NCKAP1: variants seen among roughly 807,000 people sequenced by gnomAD.
NCKAP1 encodes the protein NCK associated protein 1.
Under a neutral mutation model 151.2 loss-of-function variants are expected in NCKAP1, and 21 were observed. The ratio of observed to expected loss-of-function variants is 0.14; its 90% CI spans 0.10 to 0.20. The LOEUF (loss-of-function observed/expected upper bound fraction) is 0.20. Ranked by LOEUF, NCKAP1 falls within the 10% of genes least tolerant of loss-of-function variation. The pLI is 1.00. For missense variants in NCKAP1, 933 were observed against 1,352.1 expected (o/e 0.69, Z 4.86); for synonymous variants, 484 against 451.8 (o/e 1.07, Z -0.90).
rs1380983144 is a variant in NCKAP1, at chr2:183,006,729, T to C, written c.220-3404A>G. Reference sequence around the variant, plus strand: ...TATTAATATCTAGAACCAAGTTTTCTTAATTCAATCACATTGTTTTATAGG... The same window carrying C: ...TATTAATATCTAGAACCAAGTTTTCCTAATTCAATCACATTGTTTTATAGG... On this transcript the variant is annotated intron_variant, in intron 2 of 30. Transcript: ENST00000361354. Among the ~76,000 whole-genome samples the C allele has an allele frequency of 1.7e-4, 26 of 152,190 alleles. 1 individual carries two copies. The highest frequency in any genetic ancestry group is 1.7e-3 in the Admixed American group (26 of 15,280).
intron 1 of NCKAP1, among the ~76,000 whole-genome samples, chr2:183,029,345 A>T (rs925282496): frequency 6.6e-6 from 1 of 151,920 alleles, no homozygotes; most frequent in African/African-American, 2.4e-5. Flanking sequence ...CTGCCACTCT[A>T]CCACAAACCC....
In NCKAP1 at chr2:182,978,858, T is replaced by C; in HGVS notation, c.1399A>G (p.Met467Val). 3.7e-6 allele frequency: 6 copies of C among 1,600,872 alleles called. No homozygotes were observed. The highest frequency in any genetic ancestry group is 5.1e-6 in the Non-Finnish European group (6 of 1,170,186). Reference protein sequence around the residue: ...SIIMSSFVNTMTSLSVKQVED... With the variant: ...SIIMSSFVNTVTSLSVKQVED... ...CCTTGTTTTACACTTAGGGAAGTCA[T>C]AGTGTTAACAAAAGAGGACATGATG... Residue 467 changes from methionine (M) to valine (V), a missense_variant, in exon 14 of 31, where the codon ATG (methionine) becomes GTG (valine). Coordinates refer to ENST00000361354, the MANE Select transcript of NCKAP1 (RefSeq NM_013436.5).
At chr2:183,018,455 T>A (rs954834584) in intron 2 of NCKAP1, among the ~76,000 whole-genome samples, 1 of 152,102 alleles carries the variant, frequency 6.6e-6, no homozygotes, top group Non-Finnish European at 1.5e-5. Context: ...AGGAGTTAAA[T>A]ATGCCTACTG....
intron 2 of NCKAP1, among the ~76,000 whole-genome samples, chr2:183,008,493 T>C (rs1235874100): frequency 6.6e-6 from 1 of 151,854 alleles, no homozygotes; most frequent in African/African-American, 2.4e-5. Flanking sequence ...CCTCATCTTC[T>C]TTCATGCTCC....
At chr2:183,024,014 T>C in intron 1 of NCKAP1, 98 bp from the exon 2 acceptor site, 2 of 963,530 alleles carry the variant, frequency 2.1e-6, no homozygotes, top group Non-Finnish European at 3.2e-6. Context: ...TATTTATTGT[T>C]TTTGGTGAGC....
At chr2:182,928,681 T>A (rs141208941) in intron 28 of NCKAP1, 102 bp downstream of exon 28, 1 of 722,788 alleles carries the variant, frequency 1.4e-6, no homozygotes, top group Non-Finnish European at 2.3e-6. Context: ...GACTACCCCA[T>A]GTTCCACTGC....
At chr2:183,025,319 C>A (rs1698875076) in intron 1 of NCKAP1, among the ~76,000 whole-genome samples, 1 of 151,930 alleles carries the variant, frequency 6.6e-6, no homozygotes, top group African/African-American at 2.4e-5. Flanking sequence ...AAAACAGGAG[C>A]AAAACCATCA....
intron 19 of NCKAP1, 76 bp from the exon 20 acceptor site, chr2:182,956,669 C>G: frequency 4.9e-6 from 7 of 1,418,044 alleles, no homozygotes; most frequent in Non-Finnish European, 6.6e-6. Context: ...ATAAATATAT[C>G]AACCTTATTT....
chr2:182,988,766 A>C lies in NCKAP1; in HGVS notation c.947+264T>G, dbSNP rs535724425. ...AAAATCATATATGACTTGCAAAAGA[A>C]GACATATCTTCCTTCTCCTATATTA... On this transcript the variant is annotated intron_variant, in intron 9 of 30. Transcript: ENST00000361354. Among the ~76,000 whole-genome samples, 7 of 152,346 alleles carry C rather than the reference A, an allele frequency of 4.6e-5. No individual in the cohort carries two copies. In the South Asian group the frequency reaches 1.5e-3, roughly 32 times the overall value.
rs1229778601 is a variant in NCKAP1, at chr2:182,921,073, T to C, written c.*4629A>G. 1 of 152,132 alleles carries C rather than the reference T, an allele frequency of 6.6e-6. No homozygotes were observed. Among genetic ancestry groups the C allele is most frequent in the African/African-American group, 2.4e-5 (1 of 41,432 alleles). The allele number at this position is 152,132 out of a possible 1,614,324, so 9.4% of individuals were successfully genotyped here. A position where few individuals can be genotyped will look rare whatever the true frequency, so the allele number is the denominator to read the frequency against. ...CCAGAGTTGAAGAAAACACTTTTAG[T>C]CAGTTACTAATGGAGAAAAAATAAA... is the stretch of plus-strand genomic sequence containing the variant. On this transcript the variant is annotated 3_prime_UTR_variant, in exon 31 of 31. Coordinates refer to ENST00000361354, the MANE Select transcript of NCKAP1 (RefSeq NM_013436.5).
At position 182,918,726 on chromosome 2, in the gene NCKAP1, T is replaced by C. The variant is rs1696504933; in HGVS notation, c.*6976A>G. On this transcript the variant is annotated 3_prime_UTR_variant, in exon 31 of 31. Transcript: ENST00000361354. ...GGTCTAGGGATAAAAAACTACACAT[T>C]GGGTACAATGCATACTACCTGGGTG... The C allele has an allele frequency of 6.6e-6, 1 of 152,132 alleles. No homozygotes were observed. Among genetic ancestry groups the C allele is most frequent in the African/African-American group, 2.4e-5 (1 of 41,416 alleles). 9.4% of individuals were successfully genotyped at this position (152,132 alleles called of 1,614,324 possible).
intron 25 of NCKAP1, 155 bp downstream of exon 25, chr2:182,935,138 A>T (rs1455172253): frequency 4.9e-5 from 31 of 635,576 alleles, no homozygotes; most frequent in Non-Finnish European, 7.6e-5. Context: ...ATGAGCTTAA[A>T]TAACTAATTT....
chr2:182,997,197 A>T (rs986301955), intron 6 of NCKAP1, among the ~76,000 whole-genome samples: 5 of 152,140 alleles, frequency 3.3e-5, no homozygotes, highest in African/African-American at 1.2e-4. Context: ...CCTTTCAAAA[A>T]ACTAACTTTT....
At chr2:182,976,638 A>G (rs1697830158) in intron 15 of NCKAP1, among the ~76,000 whole-genome samples, 3 of 152,172 alleles carry the variant, frequency 2.0e-5, no homozygotes, top group Admixed American at 6.5e-5. Flanking sequence ...AATCAGGATA[A>G]TCAAGAGAGA....
chr2:182,975,118 T>C (rs1475412306), intron 15 of NCKAP1, among the ~76,000 whole-genome samples: 1 of 152,222 alleles, frequency 6.6e-6, no homozygotes, highest in Non-Finnish European at 1.5e-5. Context: ...TTTCAAAGTT[T>C]TAAACATGTA....
chr2:182,942,482 T>C (rs1449195666), intron 23 of NCKAP1, among the ~76,000 whole-genome samples: 1 of 152,002 alleles, frequency 6.6e-6, no homozygotes, highest in Non-Finnish European at 1.5e-5. Flanking sequence ...GACACTAAAA[T>C]GGACATAGCA....
chr2:183,017,060 G>GAT (rs1366895974), intron 2 of NCKAP1, among the ~76,000 whole-genome samples: 1 of 152,080 alleles, frequency 6.6e-6, no homozygotes, highest in East Asian at 1.9e-4. Flanking sequence ...AAAAAGGTAG[G>GAT]ATAATCACAT....
At chr2:182,935,999 G>A (rs1355742571) in intron 24 of NCKAP1, among the ~76,000 whole-genome samples, 2 of 152,070 alleles carry the variant, frequency 1.3e-5, no homozygotes, top group Non-Finnish European at 2.9e-5. Flanking sequence ...GTTCACATCT[G>A]TAATCCTAGC....
At chr2:183,008,351 A>G (rs745802025) in intron 2 of NCKAP1, among the ~76,000 whole-genome samples, 6 of 152,250 alleles carry the variant, frequency 3.9e-5, no homozygotes, top group African/African-American at 1.2e-4. Flanking sequence ...CAAAGTTTTT[A>G]TAACTCTAAC....
Sources: gnomAD v4.1 joint callset for allele counts (sites outside exome capture counted in the v4.1 genomes callset) on GRCh38, gnomAD v4.1.1 for gene constraint, MANE v1.5 for transcripts, NCBI Gene and HGNC (gene_info 2026-07-23, HGNC 2026-07-21) for gene names.